ZNF420: variants seen among roughly 807,000 people sequenced by gnomAD.
The protein encoded by ZNF420 is ATM and p53-associated KZNF protein.
A neutral mutation model predicts 44.7 loss-of-function variants in ZNF420; 31 were observed. That is an observed-to-expected ratio of 0.69 (90% confidence interval 0.52 to 0.94). The LOEUF (loss-of-function observed/expected upper bound fraction) is 0.94, where lower values mean the gene tolerates loss of function less well. Ranked by LOEUF, ZNF420 falls within the 40% of genes least tolerant of loss-of-function variation. ZNF420 has a pLI of 0.00. For missense variants in ZNF420, 681 were observed against 827.9 expected, an observed-to-expected ratio of 0.82 and a Z score of 2.18; for synonymous variants, 245 against 267.4, an observed-to-expected ratio of 0.92 and a Z score of 0.82.
intron 3 of ZNF420, 118 bp downstream of exon 3, chr19:37,089,245 C>T: frequency 1.2e-6 from 1 of 866,454 alleles, no homozygotes; most frequent in Admixed American, 1.8e-5. Context: ...ATGTGCTCCT[C>T]AGTTTGTCCC....
At chr19:37,089,160 T>C (rs1258983536) in intron 3 of ZNF420, 33 bp downstream of exon 3, 1 of 1,593,208 alleles carries the variant, frequency 6.3e-7, no homozygotes, top group Non-Finnish European at 8.6e-7. Context: ...TCTTTTCACT[T>C]ACTTTTTTAC....
chr19:37,096,985 G>A (rs1268511994), intron 4 of ZNF420, among the ~76,000 whole-genome samples: 11 of 149,600 alleles, frequency 7.4e-5, no homozygotes, highest in East Asian at 5.9e-4. Flanking sequence ...TGCAACCTCC[G>A]ACTCCCCAGT....
chr19:37,028,494 G>C, intron 1 of ZNF420, among the ~76,000 whole-genome samples: 1 of 152,142 alleles, frequency 6.6e-6, no homozygotes, highest in East Asian at 1.9e-4. Context: ...GGGAATGACT[G>C]TCAGAGATGT....
At chr19:37,030,269 C>T (rs1181550640) in intron 1 of ZNF420, among the ~76,000 whole-genome samples, 1 of 152,148 alleles carries the variant, frequency 6.6e-6, no homozygotes, top group Non-Finnish European at 1.5e-5. Context: ...TCAAGCAATT[C>T]TCCTACCTCA....
At chr19:37,015,878 C>A (rs138810080) in intron 1 of ZNF420, among the ~76,000 whole-genome samples, 17 of 152,326 alleles carry the variant, frequency 1.1e-4, no homozygotes, top group Admixed American at 5.9e-4. Flanking sequence ...TGATCCTGCG[C>A]GGGCTCTGGC....
At chr19:37,028,470 G>A (rs886874940) in intron 1 of ZNF420, among the ~76,000 whole-genome samples, 4 of 152,188 alleles carry the variant, frequency 2.6e-5, no homozygotes, top group African/African-American at 9.6e-5. Context: ...ATATAAACAG[G>A]TTGGGGTACA....
At chr19:37,098,209 C>T (rs902886489) in intron 4 of ZNF420, among the ~76,000 whole-genome samples, 1 of 152,152 alleles carries the variant, frequency 6.6e-6, no homozygotes, top group Non-Finnish European at 1.5e-5. Context: ...GCCTTGGCCT[C>T]TCAAAGTGCT....
chr19:37,012,923 G>C (rs982849455), intron 1 of ZNF420, among the ~76,000 whole-genome samples: 1 of 151,964 alleles, frequency 6.6e-6, no homozygotes, highest in African/African-American at 2.4e-5. Context: ...CTTGTGCACC[G>C]GAGTGCTGTT....
chr19:37,021,960 A>G (rs1056050938), intron 1 of ZNF420, among the ~76,000 whole-genome samples: 4 of 141,034 alleles, frequency 2.8e-5, no homozygotes, highest in Non-Finnish European at 6.2e-5. Flanking sequence ...AAAAAAAAAA[A>G]AAAGAAAAGA....
At chr19:37,103,967 A>ATTT (rs58366687) in intron 4 of ZNF420, among the ~76,000 whole-genome samples, 243 of 144,308 alleles carry the variant, frequency 1.7e-3, no homozygotes, top group Non-Finnish European at 2.8e-3. Flanking sequence ...CTCTTCTCTC[A>ATTT]TTTTTTTTTT....
rs1176717571 is a variant in ZNF420, at chr19:37,009,601, C to A, written c.-125+1519C>A. On this transcript the variant is annotated intron_variant, in intron 1 of 4. Coordinates refer to the ZNF420 transcript ENST00000587029. ...TGTCTCCTGGAAAGCGGTGGCGGCA[C>A]ACAGCAGCCCCAGGACTTTGGCAAG... 3.9e-5 allele frequency among the ~76,000 whole-genome samples: 6 copies of A among 152,222 alleles called. No homozygotes were observed. The East Asian group carries it at 9.6e-4, about 24-fold the overall frequency.
At chr19:37,059,635 C>T (rs376583970) in intron 1 of ZNF420, among the ~76,000 whole-genome samples, 5 of 152,216 alleles carry the variant, frequency 3.3e-5, no homozygotes, top group African/African-American at 1.2e-4. Flanking sequence ...GGTGAGTCTC[C>T]GCAAAAGTCG....
intron 4 of ZNF420, among the ~76,000 whole-genome samples, chr19:37,119,066 CAG>C (rs1970867138): frequency 6.6e-6 from 1 of 152,160 alleles, no homozygotes; most frequent in Admixed American, 6.5e-5. Context: ...ATCAGCAAGA[CAG>C]AAAGTTAACA....
intron 1 of ZNF420, among the ~76,000 whole-genome samples, chr19:37,024,233 C>G (rs558026662): frequency 6.6e-6 from 1 of 152,170 alleles, no homozygotes; most frequent in African/African-American, 2.4e-5. Flanking sequence ...GTTGTCCCAC[C>G]CTTCCAGATT....
chr19:37,026,544 C>T lies in ZNF420; in HGVS notation c.-125+18462C>T, dbSNP rs184345589. Among the ~76,000 whole-genome samples, 938 of 152,292 alleles carry T rather than the reference C, an allele frequency of 6.2e-3. 28 individuals carry two copies. The highest frequency in any genetic ancestry group is 0.049 in the East Asian group (255 of 5,168). ...ATGTTGGTCAGGCTGGTCTCAAACT[C>T]CCGACTTCAGGTGATCTGCCCACCT... On this transcript the variant is annotated intron_variant, in intron 1 of 4. Transcript: ENST00000587029.
intron 2 of ZNF420, among the ~76,000 whole-genome samples, chr19:37,086,595 A>G (rs1015318002): frequency 2.0e-5 from 3 of 152,134 alleles, no homozygotes; most frequent in African/African-American, 7.2e-5. Flanking sequence ...TACAATTCCC[A>G]ACTCTGTGGG....
intron 1 of ZNF420, among the ~76,000 whole-genome samples, chr19:37,042,647 G>A (rs1159651112): frequency 6.6e-6 from 1 of 152,218 alleles, no homozygotes; most frequent in East Asian, 1.9e-4. Context: ...AGGGCATGGA[G>A]TACTCCCCTA....
At chr19:37,025,181 G>A (rs905527940) in intron 1 of ZNF420, 6 of 428,750 alleles carry the variant, frequency 1.4e-5, no homozygotes, top group South Asian at 6.1e-5. Flanking sequence ...GAAAGTTGGC[G>A]GCTAGTCCTA....
At chr19:37,011,559 G>T (rs2074569253) in intron 1 of ZNF420, among the ~76,000 whole-genome samples, 1 of 152,164 alleles carries the variant, frequency 6.6e-6, no homozygotes, top group Non-Finnish European at 1.5e-5. Context: ...AGAGGTGGGG[G>T]TGAAGTGAAC....
Sources: allele counts gnomAD v4.1 joint callset (sites outside exome capture counted in the v4.1 genomes callset), GRCh38; gene constraint gnomAD v4.1.1; transcripts MANE v1.5; gene names NCBI Gene and HGNC (gene_info 2026-07-23, HGNC 2026-07-21).